RNF144B: variants seen among roughly 807,000 people sequenced by gnomAD.
RNF144B encodes the protein E3 ubiquitin-protein ligase RNF144B.
In RNF144B, 25 loss-of-function variants were observed where a neutral mutation model predicts 40.2. The ratio of observed to expected loss-of-function variants is 0.62; its 90% confidence interval spans 0.45 to 0.87. RNF144B has a LOEUF of 0.87. Ranked by LOEUF, RNF144B falls within the 40% of genes least tolerant of loss-of-function variation. RNF144B has a pLI of 0.00. For synonymous variants in RNF144B, 145 were observed against 136.3 expected (o/e 1.06, Z -0.44); for missense variants, 365 against 373.7 (o/e 0.98, Z 0.19).
At chr6:18,462,298 T>C (rs1759472394) in intron 6 of RNF144B, among the ~76,000 whole-genome samples, 1 of 152,214 alleles carries the variant, frequency 6.6e-6, no homozygotes, top group South Asian at 2.1e-4. Flanking sequence ...TGATTTCTTA[T>C]TGGCAGAATC....
chr6:18,454,033 A>C (rs1177391601), intron 4 of RNF144B, among the ~76,000 whole-genome samples: 14 of 152,210 alleles, frequency 9.2e-5, no homozygotes. Flanking sequence ...CATGTTTTTA[A>C]TGAAAACACA....
At chr6:18,455,730 G>C (rs1161188180) in intron 4 of RNF144B, among the ~76,000 whole-genome samples, 1 of 152,198 alleles carries the variant, frequency 6.6e-6, no homozygotes. Flanking sequence ...GAATAAAAAA[G>C]AGATACCAAG....
chr6:18,399,462 A>G (rs1794755504), intron 1 of RNF144B, 37 bp from the exon 2 acceptor site: 2 of 1,415,926 alleles, frequency 1.4e-6, no homozygotes, highest in African/African-American at 1.4e-5. Context: ...AGCTTTATCA[A>G]TCCATATAAT....
At position 18,458,886 on chromosome 6, in the gene RNF144B, AG is replaced by A. The variant is rs1759391610; in HGVS notation, c.537-720del. Among the ~76,000 whole-genome samples the A allele has an allele frequency of 1.3e-5, 2 of 152,220 alleles. No homozygotes were observed. The stretch of plus-strand genomic sequence containing the variant: ...TCCTTTGTCATGTTGGCACTCAAAA[AG>A]TTTCAGATTTTGGAGCATTTTGGAT... On this transcript the variant is annotated intron_variant, in intron 5 of 7. Transcript: ENST00000259939. This position sits in a 1 kb window ranked among gnomAD's most constrained non-coding sequence, Gnocchi z 4.8.
At chr6:18,407,066 C>A (rs1420147797) in intron 2 of RNF144B, among the ~76,000 whole-genome samples, 1 of 152,052 alleles carries the variant, frequency 6.6e-6, no homozygotes, top group African/African-American at 2.4e-5. Context: ...CCACCAGGTC[C>A]CTCCCTCAAC....
In RNF144B at chr6:18,387,448, G is replaced by A; in HGVS notation, c.-219G>A. On this transcript the variant is annotated 5_prime_UTR_variant, in exon 1 of 8. Transcript: ENST00000259939. ...GGACTCCGCCTCCTCCCGACCCGTA[G>A]GTCTGGGAGCGCAAGTCCTGTTGCA... 1 of 1,227,140 alleles carries A rather than the reference G, an allele frequency of 8.1e-7. No homozygotes were observed. 76.0% of individuals were successfully genotyped at this position (1,227,140 alleles called of 1,614,324 possible).
intron 3 of RNF144B, among the ~76,000 whole-genome samples, chr6:18,428,307 A>G (rs551222): frequency 0.84 from 128,077 of 152,094 alleles, 54,049 homozygotes; most frequent in East Asian, 0.98. Flanking sequence ...GAGAATGGAC[A>G]CATACAGAGG....
rs773790530 is a variant in RNF144B at position 18,457,393 on chromosome 6, A to G, written c.536+34A>G. 2 of 1,521,010 alleles carry G rather than the reference A, an allele frequency of 1.3e-6. No homozygotes were observed. 94.2% of individuals were successfully genotyped at this position (1,521,010 alleles called of 1,614,324 possible). A position where few individuals can be genotyped will look rare whatever the true frequency, so the allele number is the denominator to read the frequency against. On this transcript the variant is annotated intron_variant, in intron 5 of 7. Coordinates refer to ENST00000259939, the MANE Select transcript of RNF144B (RefSeq NM_182757.4). The surrounding 1 kb of genome is among the most constrained non-coding windows in gnomAD (Gnocchi z 5.1). ...GGAAACTTTGTCTTTGGGATTATTC[A>G]CTAGTTTTCTTAGAAATTCAACATA...
chr6:18,424,105 T>G (rs777528963), intron 2 of RNF144B, among the ~76,000 whole-genome samples: 9 of 152,216 alleles, frequency 5.9e-5, no homozygotes, highest in Non-Finnish European at 1.3e-4. Flanking sequence ...TAGATGCCAG[T>G]TTTCCCCCCT....
chr6:18,450,152 C>A lies in RNF144B; in HGVS notation c.332-7003C>A, dbSNP rs188969078. On this transcript the variant is annotated intron_variant, in intron 4 of 7. Coordinates refer to ENST00000259939, the MANE Select transcript of RNF144B (RefSeq NM_182757.4). The surrounding 1 kb of genome is among the most constrained non-coding windows in gnomAD (Gnocchi z 4.7). ...TTGTGCTGTGCAAATTCTGCACTTT[C>A]CCAGACTTGTCTGTGCTGGATGCAG... Among the ~76,000 whole-genome samples, 4 of 152,310 alleles carry A rather than the reference C, an allele frequency of 2.6e-5. No homozygotes were observed. The highest frequency in any genetic ancestry group is 7.2e-5 in the African/African-American group (3 of 41,566).
intron 3 of RNF144B, among the ~76,000 whole-genome samples, chr6:18,439,174 A>G (rs1204634254): frequency 1.3e-5 from 2 of 152,172 alleles, no homozygotes; most frequent in African/African-American, 4.8e-5. Flanking sequence ...GGCTCTAGGA[A>G]GTGACTCTTG....
chr6:18,411,488 TA>T (rs58668144), intron 2 of RNF144B, among the ~76,000 whole-genome samples: 3,256 of 32,372 alleles, frequency 0.1, 201 homozygotes, highest in Non-Finnish European at 0.13. Flanking sequence ...TATATATATA[TA>T]TATATATATT....
At position 18,401,000 on chromosome 6, in the gene RNF144B, A is replaced by C. The variant is rs1794793202; in HGVS notation, c.165+1301A>C. 6.6e-6 allele frequency among the ~76,000 whole-genome samples: 1 copy of C among 152,164 alleles called. No homozygotes were observed. Among genetic ancestry groups the C allele is most frequent in the African/African-American group, 2.4e-5 (1 of 41,432 alleles). On this transcript the variant is annotated intron_variant, in intron 2 of 7. Coordinates refer to ENST00000259939, the MANE Select transcript of RNF144B (RefSeq NM_182757.4). The surrounding 1 kb of genome is among the most constrained non-coding windows in gnomAD (Gnocchi z 5.6). ...TCCTTTGGTCTTGCTTTGTTTCTGA[A>C]GGCTGTCCTTCAAAACAATTATTTC...
intron 1 of RNF144B, among the ~76,000 whole-genome samples, chr6:18,394,753 T>C (rs138483875): frequency 0.014 from 2,164 of 152,324 alleles, 28 homozygotes; most frequent in Non-Finnish European, 0.021. Context: ...ACAATTCTAA[T>C]GACAAGACAC....
intron 1 of RNF144B, among the ~76,000 whole-genome samples, chr6:18,391,964 C>T (rs933509815): frequency 2.7e-5 from 4 of 146,302 alleles, no homozygotes; most frequent in East Asian, 2.1e-4. Flanking sequence ...TTTGGGAGGC[C>T]GACGCGGGAG....
In RNF144B at chr6:18,406,460, GTGTGTGTGT is replaced by G; in HGVS notation, c.165+6762_165+6770del. Among the ~76,000 whole-genome samples, 1 of 38,908 alleles carries G rather than the reference GTGTGTGTGT, an allele frequency of 2.6e-5. No homozygotes were observed. The highest frequency in any genetic ancestry group is 5.3e-4 in the East Asian group (1 of 1,882). The allele number at this position is 38,908 out of a possible 152,430, so 25.5% of individuals were successfully genotyped here. A position where few individuals can be genotyped will look rare whatever the true frequency, so the allele number is the denominator to read the frequency against. On this transcript the variant is annotated intron_variant, in intron 2 of 7. Coordinates refer to ENST00000259939, the MANE Select transcript of RNF144B (RefSeq NM_182757.4). The surrounding 1 kb of genome is among the most constrained non-coding windows in gnomAD (Gnocchi z 4.2). The stretch of plus-strand genomic sequence containing the variant: ...AGGAGGCTGGTGTGGCTGGAAAAGT[GTGTGTGTGT>G]GTGTGTGTGTGTGTGTGTGTGTGTG...
chr6:18,435,154 T>G (rs1312704526), intron 3 of RNF144B, among the ~76,000 whole-genome samples: 2 of 152,218 alleles, frequency 1.3e-5, no homozygotes, highest in Admixed American at 6.5e-5. Flanking sequence ...TTGTCTTTTG[T>G]GCTTGGATAG....
At position 18,400,252 on chromosome 6, in the gene RNF144B, G is replaced by A. The variant is rs563576984; in HGVS notation, c.165+553G>A. On this transcript the variant is annotated intron_variant, in intron 2 of 7. Transcript: ENST00000259939. This position sits in a 1 kb window ranked among gnomAD's most constrained non-coding sequence, Gnocchi z 5.6. ...CAGGCCACTGCACTCCAGCCTGGGCGACAGAGCGAGACTCTGTCTCAAAAA... is the reference window on the plus strand; with the variant it reads ...CAGGCCACTGCACTCCAGCCTGGGCAACAGAGCGAGACTCTGTCTCAAAAA... 2.2e-4 allele frequency among the ~76,000 whole-genome samples: 33 copies of A among 147,066 alleles called. No homozygotes were observed. The highest frequency in any genetic ancestry group is 3.7e-3 in the Middle Eastern group (1 of 270).
intron 2 of RNF144B, among the ~76,000 whole-genome samples, chr6:18,408,618 C>T (rs749452178): frequency 1.4e-4 from 21 of 152,116 alleles, no homozygotes; most frequent in Non-Finnish European, 2.6e-4. Flanking sequence ...CTGATTGCTA[C>T]AGGGATATAA....
Sources: gnomAD v4.1 joint callset for allele counts (sites outside exome capture counted in the v4.1 genomes callset) on GRCh38, gnomAD v4.1.1 for gene constraint, Gnocchi (gnomAD v3.1) non-coding constraint, MANE v1.5 for transcripts, NCBI Gene and HGNC (gene_info 2026-07-23, HGNC 2026-07-21) for gene names.